NOL4: variants seen among roughly 807,000 people sequenced by gnomAD.
NOL4 encodes the protein nucleolar protein 4.
In NOL4, 17 loss-of-function variants were observed where a neutral mutation model predicts 75.9. The ratio of observed to expected loss-of-function variants is 0.22; its 90% confidence interval spans 0.15 to 0.34. The LOEUF (loss-of-function observed/expected upper bound fraction) is 0.34. Ranked by LOEUF, NOL4 falls within the 10% of genes least tolerant of loss-of-function variation. NOL4 has a pLI of 1.00. For missense variants in NOL4, 614 were observed against 793.5 expected, an observed-to-expected ratio of 0.77 and a Z score of 2.72; for synonymous variants, 292 against 289.9, an observed-to-expected ratio of 1.01 and a Z score of -0.07.
chr18:34,039,755 T>C (rs2076060582), intron 5 of NOL4, among the ~76,000 whole-genome samples: 1 of 152,002 alleles, frequency 6.6e-6, no homozygotes, highest in African/African-American at 2.4e-5. Context: ...AGGAAAAACA[T>C]ATACAGACGG....
At chr18:34,182,825 TA>T (rs933843697) in intron 1 of NOL4, among the ~76,000 whole-genome samples, 2 of 151,690 alleles carry the variant, frequency 1.3e-5, no homozygotes, top group Non-Finnish European at 3.0e-5. Flanking sequence ...TGGATAAAAT[TA>T]AAATGGCCAA....
chr18:33,920,588 C>G (rs1386163737), intron 9 of NOL4, among the ~76,000 whole-genome samples: 1 of 152,124 alleles, frequency 6.6e-6, no homozygotes, highest in Non-Finnish European at 1.5e-5. Context: ...ATAGCATGCT[C>G]TGAAAACAGG....
chr18:34,030,493 A>T (rs190707000), intron 5 of NOL4, among the ~76,000 whole-genome samples: 1 of 152,310 alleles, frequency 6.6e-6, no homozygotes, highest in Admixed American at 6.5e-5. Context: ...AGGAAAAGGG[A>T]TATAGGCATA....
At chr18:34,056,738 C>G (rs1032406375) in intron 5 of NOL4, among the ~76,000 whole-genome samples, 2 of 152,120 alleles carry the variant, frequency 1.3e-5, no homozygotes, top group African/African-American at 2.4e-5. Context: ...CTGAACTTTA[C>G]TAGGATCTTT....
intron 10 of NOL4, among the ~76,000 whole-genome samples, chr18:33,855,830 CTTCATTTTCTTT>C (rs2062813279): frequency 1.3e-5 from 2 of 151,366 alleles, no homozygotes; most frequent in Admixed American, 6.6e-5. Context: ...TTTTCTTTTT[CTTCATTTTCTTT>C]TTCAAATTAA....
At chr18:34,049,591 T>C (rs933207277) in intron 5 of NOL4, among the ~76,000 whole-genome samples, 1 of 152,052 alleles carries the variant, frequency 6.6e-6, no homozygotes, top group African/African-American at 2.4e-5. Flanking sequence ...GTTTACTCAA[T>C]CACTCTGATT....
At chr18:34,189,924 A>G (rs1407147880) in intron 1 of NOL4, among the ~76,000 whole-genome samples, 1 of 151,858 alleles carries the variant, frequency 6.6e-6, no homozygotes, top group Non-Finnish European at 1.5e-5. Context: ...TCTAAACTTC[A>G]TACTGGACAA....
chr18:33,952,977 T>C (rs142504585), intron 8 of NOL4, among the ~76,000 whole-genome samples: 14 of 152,088 alleles, frequency 9.2e-5, no homozygotes, highest in East Asian at 7.7e-4. Flanking sequence ...AAAGCCAAAA[T>C]TGAGGAAGAC....
At chr18:33,982,569 C>T (rs1425085797) in intron 6 of NOL4, among the ~76,000 whole-genome samples, 1 of 151,950 alleles carries the variant, frequency 6.6e-6, no homozygotes, top group Non-Finnish European at 1.5e-5. Context: ...GAGGCAAACA[C>T]CAACAGTACC....
intron 2 of NOL4, 27 bp downstream of exon 2, chr18:34,129,844 C>A: frequency 6.6e-7 from 1 of 1,517,014 alleles, no homozygotes; most frequent in Non-Finnish European, 8.8e-7. Flanking sequence ...GAAATGCATG[C>A]TCTTTTTTTT....
At chr18:33,910,024 G>A (rs541517586) in intron 9 of NOL4, among the ~76,000 whole-genome samples, 78 of 152,272 alleles carry the variant, frequency 5.1e-4, no homozygotes, top group Admixed American at 1.6e-3. Context: ...GCATGTGTGC[G>A]TGTACATATG....
chr18:34,179,497 T>C (rs1460761810), intron 1 of NOL4, among the ~76,000 whole-genome samples: 1 of 151,282 alleles, frequency 6.6e-6, no homozygotes, highest in Non-Finnish European at 1.5e-5. Flanking sequence ...AAGAAAATAC[T>C]CAAATTACTA....
In NOL4 at chr18:34,142,775, A is replaced by G. The variant is rs896084991; in HGVS notation, c.265-12755T>C. Among the ~76,000 whole-genome samples the G allele has an allele frequency of 2.6e-5, 4 of 152,286 alleles. No individual in the cohort carries two copies. The East Asian group carries it at 7.7e-4, about 29-fold the overall frequency. ...CAGCACACCAACATGGCACATGTAT[A>G]CATATGTAACAAACCTGCACGTTGT... On this transcript the variant is annotated intron_variant, in intron 1 of 10. Transcript: ENST00000261592.
At chr18:33,886,895 A>G (rs2064721669) in intron 9 of NOL4, among the ~76,000 whole-genome samples, 1 of 134,254 alleles carries the variant, frequency 7.4e-6, no homozygotes, top group Admixed American at 7.7e-5. Flanking sequence ...ATCTAGATAT[A>G]TTATATCTAG....
intron 1 of NOL4, among the ~76,000 whole-genome samples, chr18:34,174,370 A>G (rs1035637838): frequency 3.9e-5 from 6 of 152,192 alleles, no homozygotes; most frequent in Non-Finnish European, 8.8e-5. Flanking sequence ...TAATTTATCA[A>G]AGTTTCACAA....
chr18:33,895,321 T>C (rs2065334495), intron 9 of NOL4, among the ~76,000 whole-genome samples: 1 of 152,102 alleles, frequency 6.6e-6, no homozygotes, highest in African/African-American at 2.4e-5. Context: ...TAAAGCTTAG[T>C]TATTAAAAGT....
intron 2 of NOL4, among the ~76,000 whole-genome samples, chr18:34,122,967 T>C (rs1022281863): frequency 6.6e-6 from 1 of 152,122 alleles, no homozygotes; most frequent in African/African-American, 2.4e-5. Flanking sequence ...AGTAATTTAC[T>C]AGGCTGTCAT....
intron 1 of NOL4, among the ~76,000 whole-genome samples, chr18:34,144,830 A>G (rs1262404296): frequency 6.6e-6 from 1 of 152,152 alleles, no homozygotes; most frequent in Non-Finnish European, 1.5e-5. Context: ...TAAAAGGCTG[A>G]CATGCAGTTC....
intron 4 of NOL4, among the ~76,000 whole-genome samples, chr18:34,094,040 C>CA (rs796806079): frequency 5.1e-4 from 77 of 151,646 alleles, no homozygotes; most frequent in African/African-American, 1.7e-3. Context: ...AGACTCGTCT[C>CA]AAAAAAACAA....
Sources: allele counts gnomAD v4.1 joint callset (sites outside exome capture counted in the v4.1 genomes callset), GRCh38; gene constraint gnomAD v4.1.1; transcripts MANE v1.5; gene names NCBI Gene and HGNC (gene_info 2026-07-23, HGNC 2026-07-21).